LSS: variants seen among roughly 807,000 people sequenced by gnomAD.
The protein encoded by LSS is lanosterol synthase, also known as 2,3-epoxysqualene-lanosterol cyclase.
A neutral mutation model predicts 110.3 loss-of-function variants in LSS; 90 were observed. The observed-to-expected ratio is 0.82, with a 90% CI of 0.69 to 0.97. LSS has a LOEUF of 0.97. LSS is among the 50% of genes least tolerant of loss of function. LSS has a pLI of 0.00. For missense variants in LSS, 927 were observed against 990.0 expected, an observed-to-expected ratio of 0.94 and a Z score of 0.85; for synonymous variants, 433 against 400.0, an observed-to-expected ratio of 1.08 and a Z score of -0.98.
chr21:46,215,424 G>A lies in LSS; in HGVS notation c.893-126C>T. On this transcript the variant is annotated intron_variant, in intron 8 of 21. Coordinates refer to ENST00000397728, the MANE Select transcript of LSS (RefSeq NM_002340.6). The stretch of plus-strand genomic sequence containing the variant: ...CCCCCTCCCACCCACCCCCAGGCCT[G>A]GTCTCTGAGCTCCTCCTTCCCTGCC... The A allele has an allele frequency of 7.6e-6, 3 of 392,386 alleles. No homozygotes were observed. The Admixed American group carries it at 1.0e-4, about 14-fold the overall frequency. The allele number at this position is 392,386 out of a possible 1,614,324, so 24.3% of individuals were successfully genotyped here. A position where few individuals can be genotyped will look rare whatever the true frequency, so the allele number is the denominator to read the frequency against.
At chr21:46,227,960 G>C (rs916162761) in intron 2 of LSS, among the ~76,000 whole-genome samples, 1 of 152,188 alleles carries the variant, frequency 6.6e-6, no homozygotes, top group African/African-American at 2.4e-5. Context: ...CAGGCACCCA[G>C]ACTGTAGGGT....
chr21:46,222,520 A>C, intron 4 of LSS, 110 bp downstream of exon 4: 1 of 905,032 alleles, frequency 1.1e-6, no homozygotes. Flanking sequence ...CCACACCCAC[A>C]GCTGCAATCA....
At chr21:46,194,142 T>C (rs1270483459) in intron 20 of LSS, among the ~76,000 whole-genome samples, 1 of 152,204 alleles carries the variant, frequency 6.6e-6, no homozygotes, top group African/African-American at 2.4e-5. Context: ...GCAGCTGCTG[T>C]GACCGTCATC....
intron 17 of LSS, among the ~76,000 whole-genome samples, chr21:46,204,264 C>T (rs899933773): frequency 6.6e-6 from 1 of 151,954 alleles, no homozygotes; most frequent in African/African-American, 2.4e-5. Context: ...CACTGCTCCC[C>T]AACCTCAGCA....
intron 17 of LSS, 103 bp from the exon 18 acceptor site, chr21:46,196,370 T>C: frequency 1.1e-6 from 1 of 928,988 alleles, no homozygotes; most frequent in Non-Finnish European, 1.7e-6. Context: ...ATGGTCTCCC[T>C]TAAAAACCAC....
chr21:46,228,531 T>A lies in LSS; in HGVS notation c.83A>T (p.Asn28Ile). 1 of 1,600,052 alleles carries A rather than the reference T, an allele frequency of 6.2e-7. No individual in the cohort carries two copies. The change falls in exon 2 of 22, where the codon AAC (asparagine) becomes ATC (isoleucine). Residue 28 changes from asparagine to isoleucine, a missense_variant. By Grantham distance (149) the Asn-to-Ile change is moderately radical (BLOSUM62 -3). Coordinates refer to ENST00000397728, the MANE Select transcript of LSS (RefSeq NM_002340.6). ...PATDLGRWRL[N>I]CERGRQTWTY... ...CCACGTCTGCCGGCCCCTCTCGCAG[T>A]TGAGTCGCCAGCGGCCGAGGTCGGT... is the stretch of plus-strand genomic sequence containing the variant.
rs746829042 is a variant in LSS at position 46,227,703 on chromosome 21, C to G, written c.181-13G>C. On this transcript the variant is annotated splice_polypyrimidine_tract_variant and intron_variant, in intron 2 of 21. Coordinates refer to ENST00000397728, the MANE Select transcript of LSS (RefSeq NM_002340.6). Reference sequence around the variant, plus strand: ...TAAAGTAATTCTTCTGCAAAGAGATCGAAAAAAAAAAAAAGAGATAGCTGA... The same window carrying G: ...TAAAGTAATTCTTCTGCAAAGAGATGGAAAAAAAAAAAAAGAGATAGCTGA... 19 of 1,538,442 alleles carry G rather than the reference C, an allele frequency of 1.2e-5. No individual in the cohort carries two copies. The highest frequency in any genetic ancestry group is 1.2e-4 in the African/African-American group (7 of 59,264).
chr21:46,206,633 C>G, intron 16 of LSS, 39 bp downstream of exon 16: 1 of 1,558,996 alleles, frequency 6.4e-7, no homozygotes, highest in South Asian at 1.1e-5. Flanking sequence ...TGCTAGCCAG[C>G]CCCGGGTTTG....
chr21:46,192,140 C>T (rs2035766527), intron 20 of LSS, 181 bp from the exon 21 acceptor site: 1 of 627,776 alleles, frequency 1.6e-6, no homozygotes, highest in African/African-American at 1.8e-5. Flanking sequence ...GCCACACCTT[C>T]TTCCTAGGCT....
At chr21:46,194,732 C>A (rs560738746) in intron 19 of LSS, 71 bp from the exon 20 acceptor site, 2 of 1,502,028 alleles carry the variant, frequency 1.3e-6, no homozygotes, top group Non-Finnish European at 8.9e-7. Context: ...CTCACCCCAG[C>A]AGGCTGCCTT....
At chr21:46,226,620 T>G (rs2080343210) in intron 3 of LSS, among the ~76,000 whole-genome samples, 1 of 152,242 alleles carries the variant, frequency 6.6e-6, no homozygotes, top group South Asian at 2.1e-4. Flanking sequence ...AGGCTTATTC[T>G]AAGGACTAAA....
chr21:46,213,933 AGT>A, intron 9 of LSS, 98 bp from the exon 10 acceptor site: 1 of 816,668 alleles, frequency 1.2e-6, no homozygotes, highest in Non-Finnish European at 2.1e-6. Flanking sequence ...CCAGGCATAA[AGT>A]GCCGTGCAGA....
chr21:46,202,542 C>T (rs1897224586), intron 17 of LSS, among the ~76,000 whole-genome samples: 1 of 151,772 alleles, frequency 6.6e-6, no homozygotes. Context: ...TAACATAATA[C>T]ACAAATACTT....
chr21:46,222,933 C>G (rs763753190), intron 3 of LSS, among the ~76,000 whole-genome samples, 195 bp from the exon 4 acceptor site: 13 of 152,244 alleles, frequency 8.5e-5, no homozygotes, highest in Non-Finnish European at 1.6e-4. Context: ...TCAGCCACAG[C>G]ACAGGCGATG....
intron 20 of LSS, 120 bp downstream of exon 20, chr21:46,194,371 T>G: frequency 1.7e-6 from 2 of 1,208,570 alleles, no homozygotes; most frequent in African/African-American, 1.5e-5. Context: ...GAGTGGCAGC[T>G]GACCTGGCCC....
chr21:46,196,142 T>C (rs2079906513), intron 18 of LSS, 60 bp downstream of exon 18: 1 of 1,516,476 alleles, frequency 6.6e-7, no homozygotes, highest in African/African-American at 1.4e-5. Flanking sequence ...ACGCAGTGTG[T>C]GAGAGCAGAA....
In LSS at chr21:46,203,461, T is replaced by A. The variant is rs571696260; in HGVS notation, c.1670+2375A>T. On this transcript the variant is annotated intron_variant, in intron 17 of 21. Transcript: ENST00000397728. ...TGGAGACCAAACAGCAACAGCAGAT[T>A]CTCCTTCAGGGGCGAGGAGGGGCGA... Among the ~76,000 whole-genome samples the A allele has an allele frequency of 2.1e-3, 315 of 152,338 alleles. 1 individual carries two copies. Among genetic ancestry groups the A allele is most frequent in the Non-Finnish European group, 3.4e-3 (232 of 68,026 alleles).
chr21:46,204,058 CAAGG>C (rs1489004106), intron 17 of LSS, among the ~76,000 whole-genome samples: 1 of 152,096 alleles, frequency 6.6e-6, no homozygotes, highest in African/African-American at 2.4e-5. Flanking sequence ...TCTGGGAGGC[CAAGG>C]AAGGTGGATC....
chr21:46,227,081 A>G (rs184016212), intron 3 of LSS, among the ~76,000 whole-genome samples: 96 of 152,344 alleles, frequency 6.3e-4, no homozygotes, highest in Non-Finnish European at 1.3e-3. Flanking sequence ...GTGTAGCCAA[A>G]TCAGTTCAAT....
Sources: allele counts gnomAD v4.1 joint callset (sites outside exome capture counted in the v4.1 genomes callset), GRCh38; gene constraint gnomAD v4.1.1; transcripts MANE v1.5; gene names NCBI Gene and HGNC (gene_info 2026-07-23, HGNC 2026-07-21).